Variants in LCORL observed in about 807,000 individuals in gnomAD.
LCORL encodes ligand-dependent nuclear receptor corepressor-like protein.
LCORL carries 41 observed loss-of-function variants against 141.8 expected under a neutral mutation model. That is an observed-to-expected ratio of 0.29 (90% CI 0.23 to 0.38). LCORL has a LOEUF of 0.38. LCORL is among the 10% of genes least tolerant of loss of function. LCORL has a pLI of 1.00. For synonymous variants in LCORL, 618 were observed against 694.1 expected (o/e 0.89, Z 1.72); for missense variants, 1,759 against 2,035.0 (o/e 0.86, Z 2.61).
At chr4:18,011,930 T>C (rs1445054188) in intron 1 of LCORL, among the ~76,000 whole-genome samples, 1 of 152,234 alleles carries the variant, frequency 6.6e-6, no homozygotes, top group East Asian at 1.9e-4. Flanking sequence ...TGTCTTTCCA[T>C]TACATTACAC....
chr4:17,951,637 T>C (rs1739738573), intron 4 of LCORL, among the ~76,000 whole-genome samples: 4 of 152,330 alleles, frequency 2.6e-5, no homozygotes, highest in East Asian at 1.9e-4. Flanking sequence ...TATATTCATA[T>C]ACAACCAGCC....
In LCORL at chr4:17,883,669, C is replaced by G. The variant is rs1289896243; in HGVS notation, c.776+2399G>C. On this transcript the variant is annotated intron_variant, in intron 6 of 7. Transcript: ENST00000635767. ...ACACACCTGTGCACATACACACACA[C>G]GCAAACACACACACACACACACACT... The G allele has an allele frequency of 5.7e-6, 8 of 1,402,306 alleles. No individual in the cohort carries two copies. In the Admixed American group the frequency reaches 2.2e-4, roughly 39 times the overall value. The allele number at this position is 1,402,306 out of a possible 1,614,324, so 86.9% of individuals were successfully genotyped here.
At chr4:17,878,079 T>C in exon 7 of LCORL, 3 of 1,230,596 alleles carry the variant, frequency 2.4e-6, no homozygotes, top group South Asian at 4.1e-5. Flanking sequence ...AGCATTCTGC[T>C]CTTGGACTAG....
At chr4:17,984,217 T>C (rs1718532933) in intron 1 of LCORL, among the ~76,000 whole-genome samples, 2 of 152,044 alleles carry the variant, frequency 1.3e-5, no homozygotes, top group African/African-American at 2.4e-5. Flanking sequence ...AAGGATATTA[T>C]CCTGGAGTTC....
In LCORL at chr4:18,020,232, T is replaced by C. The variant is rs183933157; in HGVS notation, c.154+1366A>G. ...CTTCTCTACTAGTCAAAAAAAGATCTTAAGACGTTAACCAAATACATGGGA... is the reference window on the plus strand; with the variant it reads ...CTTCTCTACTAGTCAAAAAAAGATCCTAAGACGTTAACCAAATACATGGGA... On this transcript the variant is annotated intron_variant, in intron 1 of 7. Coordinates refer to ENST00000635767, the Ensembl canonical transcript of LCORL. 4.0e-4 allele frequency among the ~76,000 whole-genome samples: 61 copies of C among 152,278 alleles called. No homozygotes were observed. The South Asian group carries it at 0.012, about 30-fold the overall frequency.
intron 2 of LCORL, among the ~76,000 whole-genome samples, chr4:17,970,555 C>A (rs970908124): frequency 2.0e-5 from 3 of 152,188 alleles, no homozygotes; most frequent in African/African-American, 7.2e-5. Flanking sequence ...AACATAACAG[C>A]TGCAAACCTG....
In LCORL at chr4:18,021,606, T is replaced by G; in HGVS notation, c.146A>C (p.His49Pro). The G allele has an allele frequency of 6.5e-7, 1 of 1,545,410 alleles. No individual in the cohort carries two copies. The highest frequency in any genetic ancestry group is 8.7e-7 in the Non-Finnish European group (1 of 1,144,896). ...GCCCGCGTCTCTCTTACCTACACAG[T>G]GCATGAGGCGGTGGCGCCAAGAGTC... Residue 49 changes from histidine to proline, a missense_variant, in exon 1 of 8, where the codon CAC becomes CCC. Coordinates refer to ENST00000635767, the Ensembl canonical transcript of LCORL. The surrounding 1 kb of genome is among the most constrained non-coding windows in gnomAD (Gnocchi z 5.5).
chr4:17,950,954 GT>G (rs1327394474), intron 4 of LCORL, among the ~76,000 whole-genome samples: 1 of 152,154 alleles, frequency 6.6e-6, no homozygotes. Flanking sequence ...ACTTTAAACA[GT>G]TTATTCATTC....
chr4:17,872,881 G>C (rs959234479), intron 7 of LCORL, among the ~76,000 whole-genome samples: 11 of 152,084 alleles, frequency 7.2e-5, no homozygotes, highest in African/African-American at 2.7e-4. Flanking sequence ...CTTGGTGGGT[G>C]ATGTGAGATT....
chr4:17,906,495 T>C (rs533647422), intron 5 of LCORL, among the ~76,000 whole-genome samples: 5 of 152,264 alleles, frequency 3.3e-5, no homozygotes, highest in African/African-American at 1.2e-4. Context: ...TCAAGAAGAC[T>C]AGTTATAGAT....
chr4:18,021,793 G>C lies in LCORL; in HGVS notation c.-42C>G. 6.9e-7 allele frequency: 1 copy of C among 1,443,458 alleles called. No homozygotes were observed. The highest frequency in any genetic ancestry group is 9.0e-7 in the Non-Finnish European group (1 of 1,106,562). 89.4% of individuals were successfully genotyped at this position (1,443,458 alleles called of 1,614,324 possible). A position where few individuals can be genotyped will look rare whatever the true frequency, so the allele number is the denominator to read the frequency against. ...GCGCCCTCATTTACATACGAGCAGC[G>C]CAGGCACGAGGCAGGGGCGCGAGCC... On this transcript the variant is annotated 5_prime_UTR_variant, in exon 1 of 8. Coordinates refer to ENST00000635767, the Ensembl canonical transcript of LCORL. This position sits in a 1 kb window ranked among gnomAD's most constrained non-coding sequence, Gnocchi z 5.5.
chr4:17,983,632 T>C (rs919837560), intron 1 of LCORL, among the ~76,000 whole-genome samples: 1 of 152,190 alleles, frequency 6.6e-6, no homozygotes, highest in African/African-American at 2.4e-5. Context: ...GAAATTTTGC[T>C]GAAGTTGTTT....
intron 1 of LCORL, among the ~76,000 whole-genome samples, chr4:18,007,185 G>T (rs894799974): frequency 3.9e-5 from 6 of 152,116 alleles, no homozygotes; most frequent in African/African-American, 1.4e-4. Context: ...ATTCTTCAGT[G>T]GTTTTTCTCC....
chr4:17,874,261 C>T lies in LCORL; in HGVS notation c.4729G>A (p.Val1577Met), dbSNP rs986545047. 2.4e-6 allele frequency: 3 copies of T among 1,233,778 alleles called. No individual in the cohort carries two copies. The African/African-American group carries it at 4.7e-5, about 19-fold the overall frequency. The allele number at this position is 1,233,778 out of a possible 1,614,324, so 76.4% of individuals were successfully genotyped here. Reference sequence around the variant, plus strand: ...ACATTTAAGAGTGGAGAGTTAGCCACTTTATGCAGTATATGCAATTTCTCT... The same window carrying T: ...ACATTTAAGAGTGGAGAGTTAGCCATTTTATGCAGTATATGCAATTTCTCT... The change falls in exon 7 of 8, where the codon GTG becomes ATG. Residue 1577 changes from valine (V) to methionine (M), a missense_variant. Val to Met is a conservative substitution (Grantham distance 21). Around this residue, in one of 5 missense-constraint regions of LCORL, gnomAD observed 313 missense variants for 336.1 expected, o/e 0.93. Transcript: ENST00000635767.
At chr4:17,978,465 G>A (rs1277297872) in intron 1 of LCORL, among the ~76,000 whole-genome samples, 1 of 151,938 alleles carries the variant, frequency 6.6e-6, no homozygotes, top group Non-Finnish European at 1.5e-5. Flanking sequence ...CCAGAGTGGT[G>A]GCACACACCT....
intron 7 of LCORL, among the ~76,000 whole-genome samples, chr4:17,849,961 C>T (rs1197639549): frequency 6.6e-6 from 1 of 151,574 alleles, no homozygotes; most frequent in East Asian, 1.9e-4. Flanking sequence ...GAACAGAGCC[C>T]TCAGAAATAA....
At chr4:17,999,171 C>T (rs548002163) in intron 1 of LCORL, among the ~76,000 whole-genome samples, 1 of 29,634 alleles carries the variant, frequency 3.4e-5, no homozygotes, top group Admixed American at 3.2e-4. Context: ...TGCATTGCAC[C>T]ACAACCATTA....
exon 8 of LCORL, chr4:17,843,541 C>T (rs898293703): frequency 3.4e-6 from 4 of 1,172,966 alleles, no homozygotes; most frequent in East Asian, 4.9e-5. Flanking sequence ...AGATTTTCTG[C>T]TGTGCGCTTC....
Position 17,976,540 on chromosome 4 carries a change from G to A in LCORL, c.155-3655C>T, listed in dbSNP as rs1717016943. On this transcript the variant is annotated intron_variant, in intron 1 of 7. Coordinates refer to ENST00000635767, the Ensembl canonical transcript of LCORL. ...TAATGTAAGAATCAATACATAGAAT[G>A]TAATATAAGGATCAAATCTCATTAT... Among the ~76,000 whole-genome samples, 3 of 151,998 alleles carry A rather than the reference G, an allele frequency of 2.0e-5. No homozygotes were observed. The South Asian group carries it at 6.2e-4, about 32-fold the overall frequency.
Sources: gnomAD v4.1 joint callset for allele counts (sites outside exome capture counted in the v4.1 genomes callset) on GRCh38, gnomAD v4.1.1 for gene constraint, gnomAD v4.1.1 regional missense constraint, Gnocchi (gnomAD v3.1) non-coding constraint, MANE v1.5 for transcripts, NCBI Gene and HGNC (gene_info 2026-07-23, HGNC 2026-07-21) for gene names.